The following SEPTIN7 variants were observed in gnomAD, a reference collection of about 807,000 sequenced individuals.
The protein encoded by SEPTIN7 is septin 7, also known as septin-7.
In SEPTIN7, 10 loss-of-function variants were observed where a neutral mutation model predicts 63.3. The observed-to-expected ratio is 0.16, with a 90% CI of 0.10 to 0.27. The LOEUF (loss-of-function observed/expected upper bound fraction) is 0.27. Among genes scored for constraint, SEPTIN7 ranks in the 10% least tolerant of loss-of-function variants. The probability of loss-of-function intolerance (pLI) is 1.00; values close to 1 mark genes in which losing one functional copy is unlikely to be tolerated. For synonymous variants in SEPTIN7, 131 were observed against 165.3 expected, an observed-to-expected ratio of 0.79 and a Z score of 1.59; for missense variants, 310 against 521.0, an observed-to-expected ratio of 0.59 and a Z score of 3.94.
chr7:35,864,109 T>C (rs1022838880), intron 4 of SEPTIN7, among the ~76,000 whole-genome samples: 1 of 151,896 alleles, frequency 6.6e-6, no homozygotes, highest in African/African-American at 2.4e-5. Context: ...CATTAGATGG[T>C]GTAGAGAAAA....
intron 12 of SEPTIN7, chr7:35,902,785 C>T (rs1036371545): frequency 1.0e-4 from 24 of 239,266 alleles, no homozygotes; most frequent in Admixed American, 1.7e-4. Context: ...TAAAGAAAAA[C>T]GAGATAAGAT....
chr7:35,829,143 T>TC (rs1188660975), intron 1 of SEPTIN7, among the ~76,000 whole-genome samples: 4 of 138,322 alleles, frequency 2.9e-5, no homozygotes, highest in Non-Finnish European at 6.3e-5. Flanking sequence ...TTTTTTTTTT[T>TC]TTTTTTTTTG....
At chr7:35,878,930 AT>A (rs1786654503) in intron 6 of SEPTIN7, among the ~76,000 whole-genome samples, 1 of 152,226 alleles carries the variant, frequency 6.6e-6, no homozygotes, top group Non-Finnish European at 1.5e-5. Context: ...ATTGAAGATA[AT>A]TGAAATCTAT....
chr7:35,860,113 T>C (rs1425716436), intron 3 of SEPTIN7, among the ~76,000 whole-genome samples: 2 of 151,468 alleles, frequency 1.3e-5, no homozygotes, highest in Non-Finnish European at 2.9e-5. Context: ...GATTCCCTTC[T>C]CTTTTTTTTT....
At chr7:35,859,191 C>T (rs1238471517) in intron 3 of SEPTIN7, among the ~76,000 whole-genome samples, 1 of 151,948 alleles carries the variant, frequency 6.6e-6, no homozygotes, top group African/African-American at 2.4e-5. Context: ...TAAGTTTCGG[C>T]ATGTTGGGTT....
chr7:35,877,220 G>A (rs1204542264), intron 6 of SEPTIN7, among the ~76,000 whole-genome samples: 4 of 152,014 alleles, frequency 2.6e-5, no homozygotes, highest in East Asian at 1.9e-4. Context: ...CACTTTTTTC[G>A]TTGTGCTCCC....
intron 4 of SEPTIN7, among the ~76,000 whole-genome samples, chr7:35,864,389 C>T (rs1422045050): frequency 1.3e-5 from 2 of 152,098 alleles, no homozygotes; most frequent in Non-Finnish European, 2.9e-5. Flanking sequence ...TGGTAGATCA[C>T]ACTTTATAGA....
chr7:35,889,660 C>G (rs1272840659), intron 10 of SEPTIN7, among the ~76,000 whole-genome samples: 3 of 152,190 alleles, frequency 2.0e-5, no homozygotes, highest in African/African-American at 4.8e-5. Context: ...TCTCCTGCCT[C>G]AGCCTCCCAA....
intron 6 of SEPTIN7, 86 bp from the exon 7 acceptor site, chr7:35,879,737 A>C: frequency 1.3e-6 from 1 of 769,632 alleles, no homozygotes; most frequent in Non-Finnish European, 2.3e-6. Flanking sequence ...AAGTAGTTAC[A>C]TTGTATTTAA....
At chr7:35,895,866 A>G (rs1787930176) in intron 11 of SEPTIN7, among the ~76,000 whole-genome samples, 1 of 152,216 alleles carries the variant, frequency 6.6e-6, no homozygotes, top group Admixed American at 6.5e-5. Context: ...GCTGGAGTAC[A>G]GTGGCACGAT....
intron 12 of SEPTIN7, chr7:35,902,177 G>A (rs952673618): frequency 1.3e-5 from 2 of 151,200 alleles, no homozygotes; most frequent in Non-Finnish European, 2.9e-5. Flanking sequence ...TGGGTATTTG[G>A]CATAGAAGGA....
At chr7:35,900,100 T>C (rs1788228081) in intron 12 of SEPTIN7, 2 of 152,162 alleles carry the variant, frequency 1.3e-5, no homozygotes, top group Middle Eastern at 3.2e-3. Context: ...CTTTTTTGAC[T>C]AAAGGCATAA....
intron 12 of SEPTIN7, 153 bp downstream of exon 12, chr7:35,898,536 G>A: frequency 1.9e-6 from 1 of 533,452 alleles, no homozygotes; most frequent in East Asian, 2.9e-5. Flanking sequence ...CTAGAAGCAA[G>A]CACCGTGTTT....
chr7:35,822,309 G>A (rs1213771317), intron 1 of SEPTIN7, among the ~76,000 whole-genome samples: 9 of 152,022 alleles, frequency 5.9e-5, no homozygotes, highest in East Asian at 3.9e-4. Context: ...CAGTCCACCC[G>A]CCTCGGACTC....
intron 3 of SEPTIN7, among the ~76,000 whole-genome samples, chr7:35,858,571 A>G (rs1301149210): frequency 6.6e-6 from 1 of 151,876 alleles, no homozygotes; most frequent in Non-Finnish European, 1.5e-5. Flanking sequence ...GGCCAGGATT[A>G]TCTCAATCTC....
At chr7:35,819,524 A>G (rs1236520028) in intron 1 of SEPTIN7, among the ~76,000 whole-genome samples, 2 of 151,994 alleles carry the variant, frequency 1.3e-5, no homozygotes, top group Admixed American at 1.3e-4. Flanking sequence ...TTTACCCGTT[A>G]TTGAAAGTAG....
At chr7:35,822,551 C>T (rs1347036472) in intron 1 of SEPTIN7, among the ~76,000 whole-genome samples, 2 of 152,058 alleles carry the variant, frequency 1.3e-5, no homozygotes, top group Non-Finnish European at 1.5e-5. Context: ...TGACAGGTGC[C>T]AGAGCTCAGG....
In SEPTIN7 at chr7:35,904,960, A is replaced by G. The variant is rs1408743621; in HGVS notation, c.*667A>G. On this transcript the variant is annotated 3_prime_UTR_variant, in exon 14 of 14. Coordinates refer to ENST00000350320, the MANE Select transcript of SEPTIN7 (RefSeq NM_001788.6). ...ATTACTGCTTCATTTTTGTAATAAC[A>G]TTTAATTTAGATATTTTCCATATAT... 1 of 152,578 alleles carries G rather than the reference A, an allele frequency of 6.6e-6. No homozygotes were observed. Among genetic ancestry groups the G allele is most frequent in the Non-Finnish European group, 1.5e-5 (1 of 68,016 alleles). 9.5% of individuals were successfully genotyped at this position (152,578 alleles called of 1,614,324 possible). A position where few individuals can be genotyped will look rare whatever the true frequency, so the allele number is the denominator to read the frequency against.
At chr7:35,823,199 A>G (rs1279250302) in intron 1 of SEPTIN7, among the ~76,000 whole-genome samples, 4 of 152,110 alleles carry the variant, frequency 2.6e-5, no homozygotes, top group Non-Finnish European at 5.9e-5. Flanking sequence ...CATAACTTAC[A>G]TGTATTTATT....
Sources: gnomAD v4.1 joint callset for allele counts (sites outside exome capture counted in the v4.1 genomes callset) on GRCh38, gnomAD v4.1.1 for gene constraint, MANE v1.5 for transcripts, NCBI Gene and HGNC (gene_info 2026-07-23, HGNC 2026-07-21) for gene names.